Variants in NTNG1 observed in about 807,000 individuals in gnomAD.
The protein encoded by NTNG1 is netrin-G1.
Under a neutral mutation model 54.0 loss-of-function variants are expected in NTNG1, and 16 were observed. The observed-to-expected ratio is 0.30, with a 90% CI of 0.20 to 0.45. NTNG1 has a LOEUF of 0.45. Among genes scored for constraint, NTNG1 ranks in the 20% least tolerant of loss-of-function variants. NTNG1 has a pLI of 1.00. For missense variants in NTNG1, 530 were observed against 678.7 expected (o/e 0.78, Z 2.43); for synonymous variants, 255 against 263.1 (o/e 0.97, Z 0.30).
intron 3 of NTNG1, among the ~76,000 whole-genome samples, chr1:107,338,421 C>T (rs1668711027): frequency 6.6e-6 from 1 of 151,882 alleles, no homozygotes; most frequent in South Asian, 2.1e-4. Flanking sequence ...ACAAAAGGGG[C>T]CATCATCTCT....
chr1:107,350,300 A>G (rs1669526358), intron 3 of NTNG1, among the ~76,000 whole-genome samples: 1 of 152,160 alleles, frequency 6.6e-6, no homozygotes, highest in Non-Finnish European at 1.5e-5. Flanking sequence ...CATCAGTTTT[A>G]TCTTCCTTTC....
At chr1:107,229,204 C>G (rs12354348) in intron 2 of NTNG1, among the ~76,000 whole-genome samples, 9,766 of 151,596 alleles carry the variant, frequency 0.064, 406 homozygotes, top group African/African-American at 0.12. Flanking sequence ...GGCAGCCCCA[C>G]TTAATAACTG....
At chr1:107,441,876 T>A (rs1057110271) in intron 7 of NTNG1, among the ~76,000 whole-genome samples, 1 of 151,872 alleles carries the variant, frequency 6.6e-6, no homozygotes, top group Non-Finnish European at 1.5e-5. Context: ...TTTAAAAGGA[T>A]TCGAGAGGAG....
At chr1:107,236,760 A>AT (rs1020201162) in intron 2 of NTNG1, among the ~76,000 whole-genome samples, 4 of 150,658 alleles carry the variant, frequency 2.7e-5, no homozygotes, top group East Asian at 1.9e-4. Flanking sequence ...CCTGCCCAAT[A>AT]TTTTTTTTTG....
intron 3 of NTNG1, among the ~76,000 whole-genome samples, chr1:107,376,963 T>G (rs868724054): frequency 2.0e-5 from 3 of 152,198 alleles, no homozygotes; most frequent in South Asian, 2.1e-4. Flanking sequence ...GCAGCAGAGC[T>G]TCATTTAGAG....
At chr1:107,242,865 T>A (rs1030908848) in intron 2 of NTNG1, among the ~76,000 whole-genome samples, 3 of 152,182 alleles carry the variant, frequency 2.0e-5, no homozygotes, top group Non-Finnish European at 2.9e-5. Flanking sequence ...ATTTTTATAC[T>A]GAAGAGTTGA....
At chr1:107,159,259 G>A (rs1475851478) in intron 2 of NTNG1, among the ~76,000 whole-genome samples, 1 of 152,170 alleles carries the variant, frequency 6.6e-6, no homozygotes, top group African/African-American at 2.4e-5. Flanking sequence ...TATATGAGGT[G>A]TTAGGGAGCA....
chr1:107,237,027 C>T (rs1342029007), intron 2 of NTNG1, among the ~76,000 whole-genome samples: 1 of 152,096 alleles, frequency 6.6e-6, no homozygotes, highest in East Asian at 1.9e-4. Flanking sequence ...GAGATTGGAA[C>T]AGTTTGGAGG....
At chr1:107,311,864 C>G (rs1391780828) in intron 2 of NTNG1, among the ~76,000 whole-genome samples, 1 of 152,128 alleles carries the variant, frequency 6.6e-6, no homozygotes, top group Non-Finnish European at 1.5e-5. Context: ...CACTCATAGG[C>G]TGATATGACC....
At chr1:107,185,907 T>C (rs971205548) in intron 2 of NTNG1, among the ~76,000 whole-genome samples, 4 of 152,130 alleles carry the variant, frequency 2.6e-5, no homozygotes, top group Non-Finnish European at 5.9e-5. Context: ...AGGGTAAAAG[T>C]GCAGTTTTGT....
chr1:107,233,472 A>G (rs1661199987), intron 2 of NTNG1, among the ~76,000 whole-genome samples: 1 of 152,222 alleles, frequency 6.6e-6, no homozygotes, highest in South Asian at 2.1e-4. Context: ...GTACAATTTC[A>G]AAGCCCATCC....
At chr1:107,265,287 A>G (rs1663656606) in intron 2 of NTNG1, among the ~76,000 whole-genome samples, 1 of 152,106 alleles carries the variant, frequency 6.6e-6, no homozygotes, top group Non-Finnish European at 1.5e-5. Flanking sequence ...GTAAACTGTT[A>G]CAAATTCACC....
chr1:107,224,853 G>A (rs1194764376), intron 2 of NTNG1, among the ~76,000 whole-genome samples: 1 of 152,068 alleles, frequency 6.6e-6, no homozygotes, highest in African/African-American at 2.4e-5. Flanking sequence ...TATGGATATT[G>A]GTGTCAGACA....
chr1:107,413,168 AT>A lies in NTNG1; in HGVS notation c.1087+5470del, dbSNP rs376659783. 1.1e-4 allele frequency among the ~76,000 whole-genome samples: 13 copies of A among 119,248 alleles called. No homozygotes were observed. In the South Asian group the frequency reaches 1.8e-3, roughly 17 times the overall value. 78.2% of individuals were successfully genotyped at this position (119,248 alleles called of 152,430 possible). ...TTTTGTTTTGTTCATTTTTTTTTTCATTTTTTTTTTCTGAGATGGAGTCTCA... is the reference window on the plus strand; with the variant it reads ...TTTTGTTTTGTTCATTTTTTTTTTCATTTTTTTTTCTGAGATGGAGTCTCA... On this transcript the variant is annotated intron_variant, in intron 5 of 7. Coordinates refer to ENST00000370068, the MANE Select transcript of NTNG1 (RefSeq NM_001113226.3).
intron 2 of NTNG1, among the ~76,000 whole-genome samples, chr1:107,316,876 T>G (rs1190596463): frequency 6.6e-6 from 1 of 152,230 alleles, no homozygotes; most frequent in Non-Finnish European, 1.5e-5. Flanking sequence ...CTAACGAATT[T>G]GGAACACAAG....
chr1:107,460,491 T>C, intron 7 of NTNG1: 2 of 499,408 alleles, frequency 4.0e-6, no homozygotes, highest in Non-Finnish European at 8.0e-6. Context: ...AATGAAATTA[T>C]TTCCTCTATG....
chr1:107,437,926 C>T (rs1675708822), intron 7 of NTNG1, among the ~76,000 whole-genome samples: 1 of 152,060 alleles, frequency 6.6e-6, no homozygotes, highest in Non-Finnish European at 1.5e-5. Flanking sequence ...TTTTTGCTTG[C>T]TTTTCACTTG....
intron 3 of NTNG1, among the ~76,000 whole-genome samples, chr1:107,342,327 G>T (rs72985579): frequency 2.0e-5 from 3 of 151,936 alleles, no homozygotes; most frequent in Non-Finnish European, 4.4e-5. Flanking sequence ...AATTACAGAG[G>T]CATTACCATA....
chr1:107,248,161 A>T (rs1662323956), intron 2 of NTNG1, among the ~76,000 whole-genome samples: 1 of 152,190 alleles, frequency 6.6e-6, no homozygotes, highest in South Asian at 2.1e-4. Flanking sequence ...CCAAGTCAGA[A>T]GTTAAGAAAG....
Sources: gnomAD v4.1 joint callset for allele counts (sites outside exome capture counted in the v4.1 genomes callset) on GRCh38, gnomAD v4.1.1 for gene constraint, MANE v1.5 for transcripts, NCBI Gene and HGNC (gene_info 2026-07-23, HGNC 2026-07-21) for gene names.